The following CDH13 variants were observed in gnomAD, a reference collection of about 807,000 sequenced individuals.
The protein encoded by CDH13 is cadherin 13, also known as cadherin-13.
Under a neutral mutation model 63.8 loss-of-function variants are expected in CDH13, and 24 were observed. The ratio of observed to expected loss-of-function variants is 0.38; its 90% CI spans 0.27 to 0.53. CDH13 has a LOEUF of 0.53. Among genes scored for constraint, CDH13 ranks in the 20% least tolerant of loss-of-function variants. CDH13 has a pLI of 0.85. For synonymous variants in CDH13, 503 were observed against 355.3 expected, an observed-to-expected ratio of 1.42 and a Z score of -4.67; for missense variants, 1,049 against 903.1, an observed-to-expected ratio of 1.16 and a Z score of -2.07.
At chr16:82,698,260 G>A (rs558072647) in intron 1 of CDH13, among the ~76,000 whole-genome samples, 1 of 152,342 alleles carries the variant, frequency 6.6e-6, no homozygotes, top group South Asian at 2.1e-4. Context: ...TGCATGTCAA[G>A]CATATGTTTG....
At chr16:82,649,695 T>C (rs1332184897) in intron 1 of CDH13, among the ~76,000 whole-genome samples, 2 of 150,722 alleles carry the variant, frequency 1.3e-5, no homozygotes, top group African/African-American at 4.9e-5. Flanking sequence ...GAGAGAAAAA[T>C]GATGGGGAAG....
intron 5 of CDH13, among the ~76,000 whole-genome samples, chr16:83,300,399 C>A (rs937326679): frequency 6.6e-6 from 1 of 152,202 alleles, no homozygotes; most frequent in African/African-American, 2.4e-5. Flanking sequence ...ACATACAGTT[C>A]TGTGTCAATA....
At chr16:83,706,062 C>T (rs891567130) in intron 10 of CDH13, among the ~76,000 whole-genome samples, 1 of 152,142 alleles carries the variant, frequency 6.6e-6, no homozygotes, top group South Asian at 2.1e-4. Flanking sequence ...CTGGGAGCAG[C>T]CTATCTCTGT....
At chr16:82,681,096 C>A (rs1327773606) in intron 1 of CDH13, among the ~76,000 whole-genome samples, 3 of 152,166 alleles carry the variant, frequency 2.0e-5, no homozygotes, top group Non-Finnish European at 4.4e-5. Context: ...TATCAGCAAT[C>A]TGCAAAAAGA....
At chr16:83,459,498 A>T (rs2073118674) in intron 6 of CDH13, among the ~76,000 whole-genome samples, 1 of 152,224 alleles carries the variant, frequency 6.6e-6, no homozygotes, top group African/African-American at 2.4e-5. Flanking sequence ...TTGGCTTATA[A>T]ACGGGTGAAA....
intron 1 of CDH13, among the ~76,000 whole-genome samples, chr16:82,659,932 T>G (rs1025490095): frequency 4.6e-5 from 7 of 152,072 alleles, no homozygotes; most frequent in African/African-American, 1.7e-4. Context: ...AAGTGTCTCC[T>G]GGAGGGAAAG....
intron 3 of CDH13, among the ~76,000 whole-genome samples, chr16:83,049,650 G>T (rs1017958666): frequency 1.3e-5 from 2 of 152,078 alleles, no homozygotes; most frequent in South Asian, 2.1e-4. Context: ...GCATAATGTT[G>T]CAAGGTTCAT....
chr16:83,152,694 A>G (rs941775265), intron 4 of CDH13, among the ~76,000 whole-genome samples: 1 of 152,194 alleles, frequency 6.6e-6, no homozygotes, highest in Non-Finnish European at 1.5e-5. Context: ...CAAACACGCT[A>G]TGTGGTTGTT....
At chr16:83,474,642 C>T (rs947402209) in intron 6 of CDH13, among the ~76,000 whole-genome samples, 1 of 152,136 alleles carries the variant, frequency 6.6e-6, no homozygotes, top group African/African-American at 2.4e-5. Context: ...GAGGATGTAG[C>T]TTAGAATTCA....
chr16:83,341,989 C>CCACCCACACA (rs1555532512), intron 5 of CDH13, among the ~76,000 whole-genome samples: 6 of 138,152 alleles, frequency 4.3e-5, no homozygotes, highest in Middle Eastern at 3.8e-3. Context: ...GTGTCCCCTG[C>CCACCCACACA]CACACACACA....
Position 83,797,606 on chromosome 16 carries a change from C to T in CDH13, c.*2576C>T, listed in dbSNP as rs1407066205. On this transcript the variant is annotated 3_prime_UTR_variant, in exon 14 of 14. Coordinates refer to ENST00000567109, the MANE Select transcript of CDH13 (RefSeq NM_001257.5). ...AATCATAAGATGTTTTGTTCATTTGCTGGAATATATTACATTGTTTACTGA... is the reference window on the plus strand; with the variant it reads ...AATCATAAGATGTTTTGTTCATTTGTTGGAATATATTACATTGTTTACTGA... 4 of 152,156 alleles carry T rather than the reference C, an allele frequency of 2.6e-5. No individual in the cohort carries two copies. Among genetic ancestry groups the T allele is most frequent in the Admixed American group, 1.3e-4 (2 of 15,278 alleles). 9.4% of individuals were successfully genotyped at this position (152,156 alleles called of 1,614,324 possible).
chr16:83,157,013 T>G (rs1293875163), intron 4 of CDH13, among the ~76,000 whole-genome samples: 1 of 152,172 alleles, frequency 6.6e-6, no homozygotes, highest in African/African-American at 2.4e-5. Flanking sequence ...TTTCTTTTTC[T>G]TATTATATTT....
chr16:83,428,268 G>A (rs1477330287), intron 6 of CDH13, among the ~76,000 whole-genome samples: 1 of 152,130 alleles, frequency 6.6e-6, no homozygotes, highest in Non-Finnish European at 1.5e-5. Flanking sequence ...AAAAACAGCA[G>A]GCAGCAAAAA....
Position 83,064,275 on chromosome 16 carries a change from A to G in CDH13, c.366+32057A>G, listed in dbSNP as rs201342510. 5.9e-5 allele frequency among the ~76,000 whole-genome samples: 9 copies of G among 152,282 alleles called. No homozygotes were observed. The East Asian group carries it at 1.2e-3, about 20-fold the overall frequency. The stretch of plus-strand genomic sequence containing the variant: ...TCCCAGCTATTCAAGAGGCTGAGAT[A>G]GGAAAATCGCTTGAACCCGGGAGGT... On this transcript the variant is annotated intron_variant, in intron 3 of 13. Transcript: ENST00000567109.
chr16:82,717,036 C>T (rs1300209853), intron 1 of CDH13, among the ~76,000 whole-genome samples: 1 of 152,040 alleles, frequency 6.6e-6, no homozygotes, highest in Non-Finnish European at 1.5e-5. Context: ...TGGCCAGATG[C>T]TGCAGTTGTG....
chr16:83,795,709 T>G lies in CDH13; in HGVS notation c.*679T>G, dbSNP rs368804615. 6.6e-6 allele frequency: 1 copy of G among 152,226 alleles called. No homozygotes were observed. Among genetic ancestry groups the G allele is most frequent in the African/African-American group, 2.4e-5 (1 of 41,436 alleles). The allele number at this position is 152,226 out of a possible 1,614,324, so 9.4% of individuals were successfully genotyped here. On this transcript the variant is annotated 3_prime_UTR_variant, in exon 14 of 14. Transcript: ENST00000567109. ...TTCGAGGACTACAACCAATTTACAC[T>G]GCCATCTGATGCCGTGATCCTGAGC... is the stretch of plus-strand genomic sequence containing the variant.
intron 2 of CDH13, among the ~76,000 whole-genome samples, chr16:82,998,506 G>A (rs184521838): frequency 6.6e-6 from 1 of 152,028 alleles, no homozygotes; most frequent in Non-Finnish European, 1.5e-5. Flanking sequence ...AAACAAATGA[G>A]ATCTCACTAC....
chr16:83,069,992 C>G (rs920882506), intron 3 of CDH13, among the ~76,000 whole-genome samples: 9 of 151,628 alleles, frequency 5.9e-5, no homozygotes, highest in African/African-American at 2.2e-4. Flanking sequence ...GGGCCAATGG[C>G]ACTTTAAAAA....
intron 6 of CDH13, among the ~76,000 whole-genome samples, chr16:83,421,758 T>C (rs1020259903): frequency 7.9e-5 from 12 of 152,214 alleles, no homozygotes; most frequent in African/African-American, 1.9e-4. Context: ...AAATGGACTT[T>C]GTGGTGAACA....
Sources: gnomAD v4.1 joint callset for allele counts (sites outside exome capture counted in the v4.1 genomes callset) on GRCh38, gnomAD v4.1.1 for gene constraint, MANE v1.5 for transcripts, NCBI Gene and HGNC (gene_info 2026-07-23, HGNC 2026-07-21) for gene names.